Variants in TOPORS observed in about 807,000 individuals in gnomAD.
TOPORS encodes the protein TOP1 binding arginine/serine rich protein, E3 ubiquitin ligase.
Under a neutral mutation model 81.4 loss-of-function variants are expected in TOPORS, and 25 were observed. The ratio of observed to expected loss-of-function variants is 0.31; its 90% confidence interval spans 0.22 to 0.43. TOPORS has a LOEUF of 0.43. Ranked by LOEUF, TOPORS falls within the 20% of genes least tolerant of loss-of-function variation. The pLI is 1.00. For synonymous variants in TOPORS, 473 were observed against 456.6 expected, an observed-to-expected ratio of 1.04 and a Z score of -0.46; for missense variants, 1,101 against 1,267.0, an observed-to-expected ratio of 0.87 and a Z score of 1.99.
At chr9:32,550,642 G>T (rs1225544017) in intron 2 of TOPORS, 132 bp downstream of exon 2, 19 of 1,013,830 alleles carry the variant, frequency 1.9e-5, no homozygotes, top group Non-Finnish European at 2.7e-5. Flanking sequence ...CCTGGCCCTG[G>T]CCCGCCGAGG....
rs2118980285 is a variant in TOPORS, at chr9:32,550,628, G to A, written c.198+146C>T. ...ACAGGTGCGCGCAGGAGCCGCTCGG[G>A]GGCCCTGGCCCTGGCCCGCCGAGGC... On this transcript the variant is annotated intron_variant, in intron 2 of 2. Coordinates refer to ENST00000360538, the MANE Select transcript of TOPORS (RefSeq NM_005802.5). The A allele has an allele frequency of 7.0e-6, 6 of 854,552 alleles. No individual in the cohort carries two copies. In the East Asian group the frequency reaches 1.4e-4, roughly 20 times the overall value. The allele number at this position is 854,552 out of a possible 1,614,324, so 52.9% of individuals were successfully genotyped here.
intron 2 of TOPORS, among the ~76,000 whole-genome samples, chr9:32,547,250 A>ATC (rs398073482): frequency 1.3e-5 from 2 of 151,984 alleles, no homozygotes; most frequent in African/African-American, 4.8e-5. Context: ...CATGTAGATC[A>ATC]AATAAGTTAT....
In TOPORS at chr9:32,542,201, TTAC is replaced by T; in HGVS notation, c.2321_2323del (p.Ser774del). 1 of 1,614,248 alleles carries T rather than the reference TTAC, an allele frequency of 6.2e-7. No homozygotes were observed. The highest frequency in any genetic ancestry group is 8.5e-7 in the Non-Finnish European group (1 of 1,180,054). ...CCCGGTAGATGCAGTCCTTGATCTGTTACTAGACAGGCTCCTTGATCTGTGCCT... is the reference window on the plus strand; with the variant it reads ...CCCGGTAGATGCAGTCCTTGATCTGTTAGACAGGCTCCTTGATCTGTGCCT... On this transcript the variant is annotated inframe_deletion, in exon 3 of 3. Transcript: ENST00000360538.
intron 2 of TOPORS, among the ~76,000 whole-genome samples, chr9:32,544,749 A>AT (rs1478296345): frequency 2.0e-5 from 3 of 152,096 alleles, no homozygotes; most frequent in Non-Finnish European, 2.9e-5. Flanking sequence ...TATCTGACAT[A>AT]TAAAAAAAAA....
At position 32,541,447 on chromosome 9, in the gene TOPORS, C is replaced by G; in HGVS notation, c.3078G>C (p.Leu1026Phe). Reference protein sequence around the residue: ...VSLQTEPSRQLPSPRTSLMSV... With the variant: ...VSLQTEPSRQFPSPRTSLMSV... ...ACATTAATGATGTCCGTGGCGATGG[C>G]AATTGCCTTGATGGCTCAGTTTGAA... is the stretch of plus-strand genomic sequence containing the variant. Residue 1026 changes from leucine to phenylalanine, a missense_variant, in exon 3 of 3, where the codon TTG becomes TTC. Physicochemically the swap from Leu to Phe is conservative, Grantham distance 22. Coordinates refer to ENST00000360538, the MANE Select transcript of TOPORS (RefSeq NM_005802.5). 1.9e-6 allele frequency: 3 copies of G among 1,614,202 alleles called. No individual in the cohort carries two copies. The highest frequency in any genetic ancestry group is 1.7e-6 in the Non-Finnish European group (2 of 1,180,022).
intron 2 of TOPORS, among the ~76,000 whole-genome samples, chr9:32,548,140 G>C (rs1357810131): frequency 6.7e-6 from 1 of 149,594 alleles, no homozygotes; most frequent in African/African-American, 2.5e-5. Context: ...GTAAGCCACC[G>C]CGCCCAGCCC....
Position 32,542,795 on chromosome 9 carries a change from G to A in TOPORS, c.1730C>T (p.Ser577Phe), listed in dbSNP as rs79708790. 4 of 1,613,888 alleles carry A rather than the reference G, an allele frequency of 2.5e-6. No individual in the cohort carries two copies. Among genetic ancestry groups the A allele is most frequent in the East Asian group, 2.2e-5 (1 of 44,880 alleles). Residue 577 changes from serine (S) to phenylalanine (F), a missense_variant, in exon 3 of 3, where the codon TCT becomes TTT. Physicochemically the swap from Ser to Phe is radical, Grantham distance 155. This residue lies in a region of TOPORS where 605 missense variants were observed against 636.1 expected (regional missense o/e 0.95). Transcript: ENST00000360538. ...AGAATATACTCTGTCTCCTCTTACA[G>A]ATGAGTTCAGGTTTCTGGGAGATGA... ...SLSSPRNLNS[S>F]VRGDRVYSPY...
chr9:32,546,744 C>A lies in TOPORS; in HGVS notation c.199-2418G>T, dbSNP rs535543112. Among the ~76,000 whole-genome samples, 343 of 152,264 alleles carry A rather than the reference C, an allele frequency of 2.3e-3. 1 individual carries two copies. Among genetic ancestry groups the A allele is most frequent in the African/African-American group, 8.0e-3 (332 of 41,546 alleles). On this transcript the variant is annotated intron_variant, in intron 2 of 2. Transcript: ENST00000360538. ...AAATGAAACCTTACCCTTCCCTTCT[C>A]TAGTTTTATAAGCCTGTTAACCACT... is the stretch of plus-strand genomic sequence containing the variant.
chr9:32,551,333 G>A, intron 1 of TOPORS: 1 of 398,246 alleles, frequency 2.5e-6, no homozygotes, highest in South Asian at 2.2e-5. Context: ...GTCTAGATAG[G>A]GGAATTGTTA....
intron 2 of TOPORS, among the ~76,000 whole-genome samples, chr9:32,550,519 C>A (rs1176090840): frequency 6.6e-6 from 1 of 152,236 alleles, no homozygotes; most frequent in African/African-American, 2.4e-5. Context: ...TCCCTGAGAC[C>A]AAGCTCTTTC....
rs1445157835 is a variant in TOPORS at position 32,543,631 on chromosome 9, G to A, written c.894C>T (p.Pro298=). Residue 298 remains proline, a synonymous_variant, in exon 3 of 3, where the codon CCC becomes CCT. Transcript: ENST00000360538. This position sits in a 1 kb window ranked among gnomAD's most constrained non-coding sequence, Gnocchi z 5.6. ...GAACTGTAAGTTCACGTTTTAACCAGGGGACTAATCTGTGAAGGCAAGCTG... is the reference window on the plus strand; with the variant it reads ...GAACTGTAAGTTCACGTTTTAACCAAGGGACTAATCTGTGAAGGCAAGCTG... The part of the protein sequence containing the change: ...RNPACLHRLV[P]WLKRELTVLF... 1 of 1,612,238 alleles carries A rather than the reference G, an allele frequency of 6.2e-7. No individual in the cohort carries two copies. The highest frequency in any genetic ancestry group is 8.5e-7 in the Non-Finnish European group (1 of 1,179,242).
intron 2 of TOPORS, among the ~76,000 whole-genome samples, chr9:32,547,773 A>AC (rs1194340317): frequency 6.6e-6 from 1 of 152,200 alleles, no homozygotes; most frequent in Admixed American, 6.5e-5. Flanking sequence ...CTGTAAATAT[A>AC]CTAAAAAATC....
Position 32,541,551 on chromosome 9 carries a change from C to T in TOPORS, c.2974G>A (p.Val992Ile), listed in dbSNP as rs1321301968. The change falls in exon 3 of 3, where the codon GTT (valine) becomes ATT (isoleucine). Residue 992 changes from valine (V) to isoleucine (I), a missense_variant. Val to Ile is a conservative substitution (Grantham distance 29, BLOSUM62 3). Coordinates refer to ENST00000360538, the MANE Select transcript of TOPORS (RefSeq NM_005802.5). ...TCTCTTACATCGAGAGTTTGTTCAA[C>T]TGAAGCTGCCAGAGGTGGAATATTA... Reference protein sequence around the residue: ...VDNIPPLAASVEQTLDVREES... With the variant: ...VDNIPPLAASIEQTLDVREES... 6.2e-7 allele frequency: 1 copy of T among 1,614,216 alleles called. No homozygotes were observed. The highest frequency in any genetic ancestry group is 1.1e-5 in the South Asian group (1 of 91,080).
intron 1 of TOPORS, 184 bp from the exon 2 acceptor site, chr9:32,551,152 T>G (rs1171735098): frequency 1.1e-5 from 8 of 720,770 alleles, no homozygotes; most frequent in African/African-American, 1.7e-5. Context: ...CCCCCGCCGC[T>G]CCAGACCCCG....
At chr9:32,547,823 G>C (rs905295779) in intron 2 of TOPORS, among the ~76,000 whole-genome samples, 2 of 151,804 alleles carry the variant, frequency 1.3e-5, no homozygotes, top group Non-Finnish European at 2.9e-5. Context: ...TTTATGGATG[G>C]AATGTAATCT....
Position 32,544,117 on chromosome 9 carries a change from A to C in TOPORS, c.408T>G (p.Ala136=), listed in dbSNP as rs879157854. Residue 136 remains alanine (A), a synonymous_variant, in exon 3 of 3, where the codon GCT becomes GCG. Coordinates refer to ENST00000360538, the MANE Select transcript of TOPORS (RefSeq NM_005802.5). ...RCVQEWSKNK[A]ECPLCKQPFD... ...AGGGCTGTTTACATAGTGGGCATTCAGCTTTGTTTTTTGACCACTCCTGTA... is the reference window on the plus strand; with the variant it reads ...AGGGCTGTTTACATAGTGGGCATTCCGCTTTGTTTTTTGACCACTCCTGTA... 1.9e-6 allele frequency: 3 copies of C among 1,614,198 alleles called. No homozygotes were observed. The South Asian group carries it at 3.3e-5, about 18-fold the overall frequency.
At chr9:32,550,745 C>G (rs754472758) in intron 2 of TOPORS, 29 bp downstream of exon 2, 672 of 1,611,934 alleles carry the variant, frequency 4.2e-4, no homozygotes, top group Non-Finnish European at 5.3e-4. Flanking sequence ...TTCCGACCCC[C>G]GCGTCCCATT....
chr9:32,542,880 G>A lies in TOPORS; in HGVS notation c.1645C>T (p.His549Tyr), dbSNP rs1285547126. ...TTGATTCTTGTACTAGAATCACAAT[G>A]ACCTTTATTTATTTGTTCATCCTTT... is the stretch of plus-strand genomic sequence containing the variant. The part of the protein sequence containing the change: ...LGKDEQINKG[H>Y]CDSSTRIKSK... Residue 549 changes from histidine to tyrosine, a missense_variant, in exon 3 of 3, where the codon CAT (histidine) becomes TAT (tyrosine). Transcript: ENST00000360538. The A allele has an allele frequency of 1.9e-6, 3 of 1,614,084 alleles. No homozygotes were observed. The highest frequency in any genetic ancestry group is 1.7e-6 in the Non-Finnish European group (2 of 1,180,022).
In TOPORS at chr9:32,543,691, G is replaced by A; in HGVS notation, c.834C>T (p.Tyr278=). The A allele has an allele frequency of 6.2e-7, 1 of 1,613,064 alleles. No homozygotes were observed. Among genetic ancestry groups the A allele is most frequent in the Non-Finnish European group, 8.5e-7 (1 of 1,179,762 alleles). Residue 278 remains tyrosine, a synonymous_variant, in exon 3 of 3, where the codon TAC becomes TAT. Coordinates refer to ENST00000360538, the MANE Select transcript of TOPORS (RefSeq NM_005802.5). The surrounding 1 kb of genome is among the most constrained non-coding windows in gnomAD (Gnocchi z 5.6). Reference sequence around the variant, plus strand: ...GGAAAAATTCAGCTGAAATATCCCTGTAGCGGCCACCATCTTCAATATTTC... The same window carrying A: ...GGAAAAATTCAGCTGAAATATCCCTATAGCGGCCACCATCTTCAATATTTC... ...RVRNIEDGGR[Y]RDISAEFFRR...
Sources: allele counts gnomAD v4.1 joint callset (sites outside exome capture counted in the v4.1 genomes callset), GRCh38; gene constraint gnomAD v4.1.1; regional missense constraint gnomAD v4.1.1; non-coding constraint Gnocchi (gnomAD v3.1); transcripts MANE v1.5; gene names NCBI Gene and HGNC (gene_info 2026-07-23, HGNC 2026-07-21).